STK33: variants seen among roughly 807,000 people sequenced by gnomAD.
STK33 encodes serine/threonine-protein kinase 33.
STK33 carries 52 observed loss-of-function variants against 58.0 expected under a neutral mutation model. The ratio of observed to expected loss-of-function variants is 0.90; its 90% CI spans 0.72 to 1.13. The LOEUF is 1.13. STK33 is among the 50% of genes most tolerant of loss of function. The pLI is 0.00. For missense variants in STK33, 630 were observed against 604.2 expected (o/e 1.04, Z -0.45); for synonymous variants, 215 against 200.1 (o/e 1.07, Z -0.63).
the STK33 span, among the ~76,000 whole-genome samples, chr11:8,353,881 A>C: frequency 6.6e-6 from 1 of 152,014 alleles, no homozygotes; most frequent in Non-Finnish European, 1.5e-5. Flanking sequence ...AAATGTGACC[A>C]CTCTAGCAGT....
chr11:8,527,622 G>T (rs1292692133), intron 1 of STK33, among the ~76,000 whole-genome samples: 1 of 152,058 alleles, frequency 6.6e-6, no homozygotes, highest in Non-Finnish European at 1.5e-5. Context: ...TTTTCTGAGG[G>T]TTTATTTATA....
At chr11:8,360,851 C>T in the STK33 span, among the ~76,000 whole-genome samples, 3 of 152,218 alleles carry the variant, frequency 2.0e-5, no homozygotes, top group Admixed American at 1.3e-4. Flanking sequence ...TGTTGCTAAC[C>T]AGGGAACATG....
At chr11:8,388,369 G>A (rs1848573293), downstream of STK33, among the ~76,000 whole-genome samples, 1 of 152,228 alleles carries the variant, frequency 6.6e-6, no homozygotes, top group Non-Finnish European at 1.5e-5. Context: ...AGAAATGCAA[G>A]ACAGCCGCAG....
At chr11:8,397,764 A>C (rs933641368) in intron 15 of STK33, among the ~76,000 whole-genome samples, 3 of 152,220 alleles carry the variant, frequency 2.0e-5, no homozygotes, top group African/African-American at 7.2e-5. Context: ...AGAAGTCGTT[A>C]AAGGACCTGA....
At chr11:8,434,612 C>T (rs1482602351) in intron 14 of STK33, among the ~76,000 whole-genome samples, 1 of 33,802 alleles carries the variant, frequency 3.0e-5, no homozygotes, top group Non-Finnish European at 5.6e-5. Context: ...ATTCACATGG[C>T]AGCTCTGTGA....
intron 1 of STK33, among the ~76,000 whole-genome samples, chr11:8,491,659 G>T (rs926891253): frequency 1.5e-4 from 23 of 152,128 alleles, no homozygotes; most frequent in African/African-American, 5.3e-4. Context: ...TACCAAGATT[G>T]AATTGAAGGA....
chr11:8,391,445 T>C (rs1489581351), downstream of STK33, among the ~76,000 whole-genome samples: 1 of 152,220 alleles, frequency 6.6e-6, no homozygotes, highest in Non-Finnish European at 1.5e-5. Context: ...TCTTCTAAAC[T>C]AACTGCAAGA....
intron 6 of STK33, among the ~76,000 whole-genome samples, chr11:8,471,424 G>A (rs1407448720): frequency 1.3e-5 from 2 of 152,022 alleles, no homozygotes; most frequent in Admixed American, 6.6e-5. Flanking sequence ...TATTTTTACT[G>A]ACACAGAAGA....
chr11:8,566,250 T>C (rs1957437682), intron 1 of STK33, among the ~76,000 whole-genome samples: 1 of 152,226 alleles, frequency 6.6e-6, no homozygotes, highest in Non-Finnish European at 1.5e-5. Flanking sequence ...CCTCAGTTTC[T>C]GCATCTTAAT....
At chr11:8,355,767 G>T in the STK33 span, among the ~76,000 whole-genome samples, 29 of 152,318 alleles carry the variant, frequency 1.9e-4, no homozygotes, top group South Asian at 5.6e-3. Flanking sequence ...TCCACTGAGG[G>T]TTACTGAGAG....
chr11:8,444,410 C>T (rs971061509), intron 11 of STK33, among the ~76,000 whole-genome samples: 1 of 151,976 alleles, frequency 6.6e-6, no homozygotes. Context: ...ATGTTTGTGC[C>T]ACAAGAATGT....
intron 1 of STK33, among the ~76,000 whole-genome samples, chr11:8,555,778 G>A (rs868470412): frequency 2.0e-5 from 3 of 152,136 alleles, no homozygotes; most frequent in Non-Finnish European, 4.4e-5. Context: ...ATCACTCCAT[G>A]CTGTGTGCAT....
intron 1 of STK33, among the ~76,000 whole-genome samples, chr11:8,540,721 T>G (rs1955441103): frequency 6.6e-6 from 1 of 151,756 alleles, no homozygotes; most frequent in Non-Finnish European, 1.5e-5. Context: ...CACAAAACAG[T>G]AGCTACCATG....
intron 1 of STK33, among the ~76,000 whole-genome samples, chr11:8,492,968 A>G (rs1950747711): frequency 6.6e-6 from 1 of 152,246 alleles, no homozygotes; most frequent in Non-Finnish European, 1.5e-5. Context: ...GGAAACTTAT[A>G]GCACTAAATG....
intron 14 of STK33, among the ~76,000 whole-genome samples, chr11:8,431,734 T>C (rs1237671724): frequency 1.3e-5 from 2 of 152,222 alleles, no homozygotes; most frequent in Non-Finnish European, 2.9e-5. Flanking sequence ...TTTAAGAGCA[T>C]ACAACTCTTC....
chr11:8,581,741 A>G (rs1340843481), intron 1 of STK33, among the ~76,000 whole-genome samples: 5 of 152,254 alleles, frequency 3.3e-5, no homozygotes, highest in Non-Finnish European at 5.9e-5. Context: ...TTTCATCCAC[A>G]ATGAGCAAAA....
chr11:8,511,006 G>T (rs762860810), intron 1 of STK33, among the ~76,000 whole-genome samples: 1 of 152,020 alleles, frequency 6.6e-6, no homozygotes, highest in African/African-American at 2.4e-5. Context: ...TTTTGGTATT[G>T]TTTTTCTAGT....
At position 8,475,038 on chromosome 11, in the gene STK33, T is replaced by G; in HGVS notation, c.-133A>C. 1.4e-6 allele frequency: 1 copy of G among 690,394 alleles called. No homozygotes were observed. 42.8% of individuals were successfully genotyped at this position (690,394 alleles called of 1,614,324 possible). On this transcript the variant is annotated 5_prime_UTR_variant, in exon 5 of 16. Coordinates refer to ENST00000687296, the MANE Select transcript of STK33 (RefSeq NM_001352389.2). ...ACTGGTGAAGTCCTCAGGTTAAGGATGCACTAGACACATATTCACACGTGA... is the reference window on the plus strand; with the variant it reads ...ACTGGTGAAGTCCTCAGGTTAAGGAGGCACTAGACACATATTCACACGTGA...
intron 1 of STK33, among the ~76,000 whole-genome samples, chr11:8,577,149 C>T (rs1958245847): frequency 6.6e-6 from 1 of 152,074 alleles, no homozygotes; most frequent in Admixed American, 6.6e-5. Flanking sequence ...CATGATACAA[C>T]TATCAAAATA....
Sources: allele counts gnomAD v4.1 joint callset (sites outside exome capture counted in the v4.1 genomes callset), GRCh38; gene constraint gnomAD v4.1.1; transcripts MANE v1.5; gene names NCBI Gene and HGNC (gene_info 2026-07-23, HGNC 2026-07-21).